The following MME variants were observed in gnomAD, a reference collection of about 807,000 sequenced individuals.
The protein encoded by MME is membrane metalloendopeptidase, also known as neprilysin.
MME carries 98 observed loss-of-function variants against 113.2 expected under a neutral mutation model. That is an observed-to-expected ratio of 0.87 (90% CI 0.74 to 1.02). MME has a LOEUF of 1.02. MME is among the 50% of genes least tolerant of loss of function. The pLI is 0.00. For synonymous variants in MME, 292 were observed against 300.6 expected, an observed-to-expected ratio of 0.97 and a Z score of 0.30; for missense variants, 836 against 896.0, an observed-to-expected ratio of 0.93 and a Z score of 0.86.
chr3:155,149,877 G>A (rs1248202861), intron 16 of MME, among the ~76,000 whole-genome samples: 1 of 152,150 alleles, frequency 6.6e-6, no homozygotes, highest in Admixed American at 6.6e-5. Flanking sequence ...AACAAATATT[G>A]TGTTATCTGA....
chr3:155,067,065 G>C (rs1714403257), intron 1 of MME, among the ~76,000 whole-genome samples: 1 of 151,846 alleles, frequency 6.6e-6, no homozygotes, highest in Admixed American at 6.6e-5. Context: ...ATTTAGGTTG[G>C]ATTCATATAA....
chr3:155,060,161 T>C lies in MME; in HGVS notation c.-10-23997T>C, dbSNP rs1055939250. On this transcript the variant is annotated intron_variant, in intron 1 of 22. Coordinates refer to the MME transcript ENST00000492661. ...TGGGAGACTGGGAACAAGAATAACA[T>C]GCTGAGAGGTTGCAGCAAAATTATG... Among the ~76,000 whole-genome samples, 7 of 152,184 alleles carry C rather than the reference T, an allele frequency of 4.6e-5. 1 individual carries two copies. Among genetic ancestry groups the C allele is most frequent in the Admixed American group, 6.5e-5 (1 of 15,278 alleles).
chr3:155,025,618 T>C (rs1712753154), intron 1 of MME, among the ~76,000 whole-genome samples: 1 of 139,214 alleles, frequency 7.2e-6, no homozygotes. Context: ...AGCGAGACCC[T>C]GTCTCAAAAA....
intron 1 of MME, among the ~76,000 whole-genome samples, chr3:155,051,268 T>C (rs904417530): frequency 1.3e-5 from 2 of 152,170 alleles, no homozygotes; most frequent in Non-Finnish European, 2.9e-5. Context: ...TAGATGACAT[T>C]ATTCAAGAAA....
chr3:155,153,498 G>T (rs561201053), intron 16 of MME, among the ~76,000 whole-genome samples: 154 of 152,158 alleles, frequency 1.0e-3, no homozygotes, highest in African/African-American at 3.6e-3. Flanking sequence ...TTTACTTCTA[G>T]TAACATGAAT....
chr3:155,077,767 GA>G (rs560859462), upstream of MME, among the ~76,000 whole-genome samples: 168 of 150,666 alleles, frequency 1.1e-3, no homozygotes, highest in African/African-American at 3.7e-3. Context: ...AAGAGAAAAA[GA>G]AAAAAATATT....
intron 3 of MME, among the ~76,000 whole-genome samples, chr3:155,101,987 T>A (rs1315652721): frequency 6.6e-6 from 1 of 152,218 alleles, no homozygotes; most frequent in East Asian, 1.9e-4. Flanking sequence ...GTCCTTCACC[T>A]ATCAGCCATC....
chr3:155,092,830 TTG>T (rs1208756611), intron 3 of MME, among the ~76,000 whole-genome samples: 3 of 152,200 alleles, frequency 2.0e-5, no homozygotes, highest in African/African-American at 7.2e-5. Context: ...CAAATATTGG[TTG>T]CCTGAGGCTG....
chr3:155,051,448 A>T (rs1306799816), intron 1 of MME, among the ~76,000 whole-genome samples: 2 of 152,194 alleles, frequency 1.3e-5, no homozygotes, highest in Non-Finnish European at 2.9e-5. Flanking sequence ...AAGAGGTTTA[A>T]TTGACTCACA....
intron 8 of MME, among the ~76,000 whole-genome samples, chr3:155,128,533 C>T (rs1719875641): frequency 6.6e-6 from 1 of 152,094 alleles, no homozygotes; most frequent in Non-Finnish European, 1.5e-5. Context: ...GTATCATTGG[C>T]CTTCAATGAT....
intron 11 of MME, 55 bp downstream of exon 11, chr3:155,142,182 A>C (rs1721156678): frequency 6.2e-7 from 1 of 1,613,196 alleles, no homozygotes; most frequent in African/African-American, 1.3e-5. Flanking sequence ...ATCACTCTTC[A>C]GAAGCTTTGC....
At chr3:155,104,814 A>G (rs994152607) in intron 3 of MME, among the ~76,000 whole-genome samples, 3 of 152,210 alleles carry the variant, frequency 2.0e-5, no homozygotes, top group African/African-American at 2.4e-5. Flanking sequence ...TCATTTGCTA[A>G]CATTACAATC....
rs1484172889 is a variant in MME at position 155,166,969 on chromosome 3, G to C, written c.1728G>C (p.Gly576=). The C allele has an allele frequency of 6.2e-7, 1 of 1,613,732 alleles. No homozygotes were observed. The highest frequency in any genetic ancestry group is 8.5e-7 in the Non-Finnish European group (1 of 1,179,772). Residue 576 remains glycine, a synonymous_variant, in exon 18 of 23, where the codon GGG becomes GGC. Transcript: ENST00000360490. ...AGCAGTCCAACTCATTGAACTATGG[G>C]GGCATCGGCATGGTCATAGGACACG... The part of the protein sequence containing the change: ...SAQQSNSLNY[G]GIGMVIGHEI...
At position 155,143,570 on chromosome 3, in the gene MME, T is replaced by C. The variant is rs1447930033; in HGVS notation, c.1316T>C (p.Val439Ala). 6.2e-7 allele frequency: 1 copy of C among 1,611,522 alleles called. No homozygotes were observed. Among genetic ancestry groups the C allele is most frequent in the Non-Finnish European group, 8.5e-7 (1 of 1,178,196 alleles). ...EAAFAGESKH[V>A]VEDLIAQIRE... ...GCATTTGCTGGAGAGAGTAAACATGTGGTAATGTTTTCAGAATAATACACT... is the reference window on the plus strand; with the variant it reads ...GCATTTGCTGGAGAGAGTAAACATGCGGTAATGTTTTCAGAATAATACACT... The change falls in exon 13 of 23, where the codon GTG (valine) becomes GCG (alanine). Residue 439 changes from valine to alanine, a missense_variant and splice_region_variant. Coordinates refer to ENST00000360490, the MANE Select transcript of MME (RefSeq NM_007289.4).
intron 6 of MME, 36 bp from the exon 7 acceptor site, chr3:155,116,832 G>A (rs775772494): frequency 1.3e-6 from 2 of 1,555,132 alleles, no homozygotes; most frequent in South Asian, 1.1e-5. Flanking sequence ...GTGAACTAAA[G>A]CTTCTAAAGA....
At chr3:155,126,583 A>G (rs1013138647) in intron 8 of MME, among the ~76,000 whole-genome samples, 3 of 152,136 alleles carry the variant, frequency 2.0e-5, no homozygotes, top group Non-Finnish European at 4.4e-5. Flanking sequence ...ATATTTTTCA[A>G]AATTGAAAGA....
rs375153564 is a variant in MME, at chr3:155,137,314, A to G, written c.721-788A>G. The stretch of plus-strand genomic sequence containing the variant: ...AAAAAAGAAACTGCTTGACTCAAGG[A>G]GACAGATAAAAAGAAGTGTGATTAT... On this transcript the variant is annotated intron_variant, in intron 8 of 22. Transcript: ENST00000360490. Among the ~76,000 whole-genome samples, 19 of 152,334 alleles carry G rather than the reference A, an allele frequency of 1.2e-4. No individual in the cohort carries two copies. The East Asian group carries it at 3.5e-3, about 28-fold the overall frequency.
chr3:155,164,160 A>G (rs992549160), intron 17 of MME, among the ~76,000 whole-genome samples: 1 of 151,518 alleles, frequency 6.6e-6, no homozygotes, highest in Non-Finnish European at 1.5e-5. Flanking sequence ...AAAAAAAAAA[A>G]GAATGTTTAA....
At chr3:155,138,302 A>G (rs961979843) in intron 9 of MME, 66 bp downstream of exon 9, 6 of 1,516,838 alleles carry the variant, frequency 4.0e-6, no homozygotes, top group African/African-American at 2.8e-5. Context: ...TCCCCTCTCT[A>G]TCATACTTTA....
Sources: allele counts gnomAD v4.1 joint callset (sites outside exome capture counted in the v4.1 genomes callset), GRCh38; gene constraint gnomAD v4.1.1; transcripts MANE v1.5; gene names NCBI Gene and HGNC (gene_info 2026-07-23, HGNC 2026-07-21).